MGMT: variants seen among roughly 807,000 people sequenced by gnomAD.
The protein encoded by MGMT is methylated-DNA--protein-cysteine methyltransferase.
A neutral mutation model predicts 15.9 loss-of-function variants in MGMT; 14 were observed. That is an observed-to-expected ratio of 0.88 (90% confidence interval 0.58 to 1.37). The LOEUF is 1.37. Ranked by LOEUF, MGMT falls within the 40% of genes most tolerant of loss-of-function variation. MGMT has a pLI of 0.00. For synonymous variants in MGMT, 130 were observed against 118.2 expected (o/e 1.10, Z -0.65); for missense variants, 282 against 268.1 (o/e 1.05, Z -0.36).
chr10:129,744,844 C>T (rs936332579), intron 3 of MGMT, among the ~76,000 whole-genome samples: 1 of 152,220 alleles, frequency 6.6e-6, no homozygotes. Flanking sequence ...GTTGTGTTTA[C>T]AGAAGATGCT....
At chr10:129,539,912 G>T (rs2119766670) in intron 2 of MGMT, among the ~76,000 whole-genome samples, 1 of 152,304 alleles carries the variant, frequency 6.6e-6, no homozygotes, top group Admixed American at 6.5e-5. Context: ...ATTACTTTTA[G>T]AATTCAGGTG....
chr10:129,578,595 A>G (rs1380192352), intron 2 of MGMT, among the ~76,000 whole-genome samples: 2 of 152,282 alleles, frequency 1.3e-5, no homozygotes, highest in South Asian at 2.1e-4. Context: ...TGACAAGTTA[A>G]TGGGTGCAGC....
chr10:129,506,647 A>C (rs148374341), intron 1 of MGMT, among the ~76,000 whole-genome samples: 1 of 152,080 alleles, frequency 6.6e-6, no homozygotes, highest in East Asian at 1.9e-4. Context: ...CAGCTGCCCT[A>C]CCCTGTCCTC....
intron 2 of MGMT, among the ~76,000 whole-genome samples, chr10:129,545,445 A>G (rs1321191968): frequency 1.1e-4 from 17 of 152,338 alleles, no homozygotes; most frequent in Non-Finnish European, 1.0e-4. Context: ...TCACTCGCCT[A>G]CTGTACACAT....
At chr10:129,577,260 G>A (rs1314390992) in intron 2 of MGMT, among the ~76,000 whole-genome samples, 1 of 151,958 alleles carries the variant, frequency 6.6e-6, no homozygotes, top group African/African-American at 2.4e-5. Context: ...AAAGCTGGAG[G>A]CATCACGCTA....
At chr10:129,694,770 C>T (rs1173024950) in intron 2 of MGMT, among the ~76,000 whole-genome samples, 2 of 152,072 alleles carry the variant, frequency 1.3e-5, no homozygotes, top group East Asian at 1.9e-4. Flanking sequence ...CAGAAGATGC[C>T]GGGAGACCAG....
intron 2 of MGMT, among the ~76,000 whole-genome samples, chr10:129,543,013 G>A (rs539086448): frequency 1.3e-3 from 201 of 152,266 alleles, no homozygotes; most frequent in Admixed American, 2.6e-3. Flanking sequence ...CAATGGCCTC[G>A]TCTTTCAGGT....
chr10:129,647,666 CT>C (rs1847412700), intron 2 of MGMT, among the ~76,000 whole-genome samples: 1 of 152,144 alleles, frequency 6.6e-6, no homozygotes, highest in Admixed American at 6.5e-5. Flanking sequence ...GTTCATCTCC[CT>C]TTATAGGGTC....
Position 129,766,776 on chromosome 10 carries a change from CCT to C in MGMT, c.415-11_415-10del, listed in dbSNP as rs759235101. 4.3e-5 allele frequency: 69 copies of C among 1,608,228 alleles called. No individual in the cohort carries two copies. In the South Asian group the frequency reaches 4.4e-4, roughly 10 times the overall value. ...ATCCCTGACTGACAGTGGCTGCCCC[CCT>C]GTCTTCCAGGTCCCCATCCTCATCC... is the stretch of plus-strand genomic sequence containing the variant. On this transcript the variant is annotated splice_polypyrimidine_tract_variant and intron_variant, in intron 4 of 4. Coordinates refer to ENST00000651593, the MANE Select transcript of MGMT (RefSeq NM_002412.5).
chr10:129,569,458 C>G (rs932335323), intron 2 of MGMT, among the ~76,000 whole-genome samples: 1 of 152,212 alleles, frequency 6.6e-6, no homozygotes, highest in South Asian at 2.1e-4. Flanking sequence ...ACGCTAGAGA[C>G]TGGTCTTCCA....
intron 3 of MGMT, among the ~76,000 whole-genome samples, chr10:129,725,281 G>A (rs1458582553): frequency 6.6e-6 from 1 of 152,208 alleles, no homozygotes; most frequent in Non-Finnish European, 1.5e-5. Flanking sequence ...GGAGCACAGG[G>A]TGCCCATCCT....
At chr10:129,680,249 C>A (rs1450567416) in intron 2 of MGMT, among the ~76,000 whole-genome samples, 4 of 152,128 alleles carry the variant, frequency 2.6e-5, no homozygotes, top group Non-Finnish European at 4.4e-5. Context: ...TGAGGAAAGC[C>A]AAGACAAGCT....
At chr10:129,624,606 G>A (rs1358749989) in intron 2 of MGMT, among the ~76,000 whole-genome samples, 1 of 152,194 alleles carries the variant, frequency 6.6e-6, no homozygotes, top group Non-Finnish European at 1.5e-5. Context: ...AAACATACCT[G>A]ATTTATCCAA....
At chr10:129,500,131 G>A (rs753713675) in intron 1 of MGMT, among the ~76,000 whole-genome samples, 1 of 152,142 alleles carries the variant, frequency 6.6e-6, no homozygotes, top group Non-Finnish European at 1.5e-5. Flanking sequence ...TAAATCTTGG[G>A]ATTGGAAAGG....
At chr10:129,657,476 G>T (rs1182742027) in intron 2 of MGMT, among the ~76,000 whole-genome samples, 1 of 151,920 alleles carries the variant, frequency 6.6e-6, no homozygotes, top group Non-Finnish European at 1.5e-5. Flanking sequence ...GTCTGGGGGT[G>T]GAGGTGGGGC....
At chr10:129,674,082 A>G (rs1303087197) in intron 2 of MGMT, among the ~76,000 whole-genome samples, 17 of 152,180 alleles carry the variant, frequency 1.1e-4, no homozygotes, top group Admixed American at 1.0e-3. Flanking sequence ...TTCTACAGGA[A>G]GTTGTTGCCA....
At position 129,638,429 on chromosome 10, in the gene MGMT, C is replaced by CAAAAAAAAAAAAAAAAAAAAAAA; in HGVS notation, c.126-69450_126-69449insAAAAAAAAAAAAAAAAAAAAAAA. 1.5e-3 allele frequency among the ~76,000 whole-genome samples: 94 copies of CAAAAAAAAAAAAAAAAAAAAAAA among 61,710 alleles called. 16 individuals carry two copies. The highest frequency in any genetic ancestry group is 1.8e-3 in the African/African-American group (34 of 19,054). 40.5% of individuals were successfully genotyped at this position (61,710 alleles called of 152,430 possible). The stretch of plus-strand genomic sequence containing the variant: ...GAAGTCCAAGAGAGGACCAAAGAGG[C>CAAAAAAAAAAAAAAAAAAAAAAA]AAAAAAAAAAAAAAAAGAAAAAAAA... On this transcript the variant is annotated intron_variant, in intron 2 of 4. Coordinates refer to ENST00000651593, the MANE Select transcript of MGMT (RefSeq NM_002412.5).
chr10:129,560,148 C>T (rs918072437), intron 2 of MGMT, among the ~76,000 whole-genome samples: 3 of 152,156 alleles, frequency 2.0e-5, no homozygotes, highest in Non-Finnish European at 4.4e-5. Flanking sequence ...GAGCACGGGG[C>T]GTTCTTGACC....
At chr10:129,758,765 T>G (rs1296022172) in intron 3 of MGMT, among the ~76,000 whole-genome samples, 2 of 152,156 alleles carry the variant, frequency 1.3e-5, no homozygotes, top group Non-Finnish European at 2.9e-5. Context: ...CAGCCTGGCC[T>G]GTGGCTGCTT....
Sources: gnomAD v4.1 joint callset for allele counts (sites outside exome capture counted in the v4.1 genomes callset) on GRCh38, gnomAD v4.1.1 for gene constraint, MANE v1.5 for transcripts, NCBI Gene and HGNC (gene_info 2026-07-23, HGNC 2026-07-21) for gene names.